Variants in SHISA9 observed in about 807,000 individuals in gnomAD.
SHISA9 encodes protein shisa-9.
SHISA9 carries 13 observed loss-of-function variants against 38.0 expected under a neutral mutation model. The observed-to-expected ratio is 0.34, with a 90% CI of 0.22 to 0.54. The LOEUF is 0.54. SHISA9 is among the 20% of genes least tolerant of loss of function. SHISA9 has a pLI of 0.91. For synonymous variants in SHISA9, 275 were observed against 242.0 expected (o/e 1.14, Z -1.27); for missense variants, 538 against 575.8 (o/e 0.93, Z 0.67).
chr16:13,475,318 A>G, the SHISA9 span, among the ~76,000 whole-genome samples: 1 of 106,610 alleles, frequency 9.4e-6, no homozygotes, highest in Non-Finnish European at 2.0e-5. Context: ...AAACATATAT[A>G]TGCTTAATAT....
chr16:13,327,426 A>G, the SHISA9 span, among the ~76,000 whole-genome samples: 2 of 151,988 alleles, frequency 1.3e-5, no homozygotes, highest in South Asian at 2.1e-4. Context: ...GACCAGCCTG[A>G]CCAATATGGT....
intron 2 of SHISA9, among the ~76,000 whole-genome samples, chr16:13,017,634 G>C (rs1365314260): frequency 6.6e-6 from 1 of 152,126 alleles, no homozygotes; most frequent in Non-Finnish European, 1.5e-5. Context: ...GCTTTCCATG[G>C]ATTATCTCAT....
At chr16:13,167,831 C>G (rs906416849) in intron 2 of SHISA9, among the ~76,000 whole-genome samples, 10 of 152,190 alleles carry the variant, frequency 6.6e-5, no homozygotes, top group African/African-American at 2.2e-4. Flanking sequence ...TTATAAATCA[C>G]CCAGTCTCAG....
chr16:12,939,566 C>G (rs2071581767), intron 2 of SHISA9, among the ~76,000 whole-genome samples: 1 of 152,140 alleles, frequency 6.6e-6, no homozygotes, highest in Non-Finnish European at 1.5e-5. Context: ...TGATTTAAGT[C>G]AACCCCATGG....
intron 2 of SHISA9, among the ~76,000 whole-genome samples, chr16:13,187,734 TC>T (rs1489620753): frequency 2.6e-5 from 4 of 152,262 alleles, no homozygotes; most frequent in African/African-American, 9.6e-5. Flanking sequence ...TTCTGATAGA[TC>T]CTTAAAAATG....
chr16:13,478,589 A>T, the SHISA9 span, among the ~76,000 whole-genome samples: 1 of 152,142 alleles, frequency 6.6e-6, no homozygotes, highest in African/African-American at 2.4e-5. Context: ...GGTCTGTTCC[A>T]CTCTAATAGT....
At chr16:13,328,625 CACACACACACATAT>C in the SHISA9 span, among the ~76,000 whole-genome samples, 6 of 121,450 alleles carry the variant, frequency 4.9e-5, no homozygotes, top group African/African-American at 1.1e-4. Context: ...CACACACACA[CACACACACACATAT>C]ATATTGTATT....
chr16:13,055,471 C>G (rs140178556), intron 2 of SHISA9, among the ~76,000 whole-genome samples: 11 of 149,786 alleles, frequency 7.3e-5, no homozygotes, highest in African/African-American at 2.7e-4. Flanking sequence ...ATGGCTCCTT[C>G]TCTCTATTTC....
intron 2 of SHISA9, among the ~76,000 whole-genome samples, chr16:13,111,870 G>A (rs765140441): frequency 6.6e-6 from 1 of 152,154 alleles, no homozygotes; most frequent in Non-Finnish European, 1.5e-5. Context: ...CTGGTCTTCA[G>A]TTATCATCTG....
intron 2 of SHISA9, among the ~76,000 whole-genome samples, chr16:12,979,911 A>ATATTATC (rs2072218393): frequency 6.6e-6 from 1 of 151,800 alleles, no homozygotes; most frequent in Admixed American, 6.6e-5. Flanking sequence ...TTTTAGGTTG[A>ATATTATC]TATTATCTAT....
rs984336537 is a variant in SHISA9 at position 13,008,299 on chromosome 16, C to T, written c.691+91484C>T. The stretch of plus-strand genomic sequence containing the variant: ...ACATGTTCATTAATACACTCTTCCC[C>T]GACATCACATCCCCACTCCTGAACT... On this transcript the variant is annotated intron_variant, in intron 2 of 4. Coordinates refer to ENST00000558583, the MANE Select transcript of SHISA9 (RefSeq NM_001145204.3). Among the ~76,000 whole-genome samples the T allele has an allele frequency of 5.9e-5, 9 of 152,218 alleles. No homozygotes were observed. In the South Asian group the frequency reaches 6.2e-4, roughly 11 times the overall value.
At chr16:12,970,444 C>CACAT (rs1567357262) in intron 2 of SHISA9, among the ~76,000 whole-genome samples, 2 of 46,618 alleles carry the variant, frequency 4.3e-5, no homozygotes, top group South Asian at 1.1e-3. Context: ...TATATACACA[C>CACAT]ATATATATAT....
At chr16:13,184,875 A>G (rs185790340) in intron 2 of SHISA9, among the ~76,000 whole-genome samples, 5 of 152,226 alleles carry the variant, frequency 3.3e-5, no homozygotes, top group Non-Finnish European at 7.3e-5. Flanking sequence ...GTTTTTGGCA[A>G]TTATGAATAA....
the SHISA9 span, among the ~76,000 whole-genome samples, chr16:13,440,730 T>C: frequency 6.6e-6 from 1 of 152,154 alleles, no homozygotes; most frequent in African/African-American, 2.4e-5. Flanking sequence ...GAGACCATCC[T>C]GCCCAACATG....
At chr16:13,540,480 C>T in the SHISA9 span, among the ~76,000 whole-genome samples, 1 of 152,170 alleles carries the variant, frequency 6.6e-6, no homozygotes, top group Non-Finnish European at 1.5e-5. Context: ...TACACTGTTT[C>T]TCAGAAATTT....
At chr16:12,952,682 C>G (rs1466478856) in intron 2 of SHISA9, among the ~76,000 whole-genome samples, 1 of 152,104 alleles carries the variant, frequency 6.6e-6, no homozygotes, top group Non-Finnish European at 1.5e-5. Context: ...AGTGGCACTT[C>G]CTCCTTCACT....
intron 2 of SHISA9, among the ~76,000 whole-genome samples, chr16:13,125,734 A>G (rs1299186735): frequency 6.6e-6 from 1 of 152,224 alleles, no homozygotes; most frequent in Non-Finnish European, 1.5e-5. Flanking sequence ...TTGATACTTT[A>G]TTCCCTCTAC....
At chr16:13,198,451 TTTC>T (rs1317669346) in intron 2 of SHISA9, among the ~76,000 whole-genome samples, 55 of 152,324 alleles carry the variant, frequency 3.6e-4, no homozygotes, top group South Asian at 8.3e-4. Context: ...CACATGCATA[TTTC>T]TTCTCTCAAC....
At chr16:13,444,970 C>A in the SHISA9 span, among the ~76,000 whole-genome samples, 1 of 131,492 alleles carries the variant, frequency 7.6e-6, no homozygotes, top group Non-Finnish European at 1.6e-5. Flanking sequence ...GGGCACACAC[C>A]ACCATGCCTA....
Sources: allele counts gnomAD v4.1 joint callset (sites outside exome capture counted in the v4.1 genomes callset), GRCh38; gene constraint gnomAD v4.1.1; transcripts MANE v1.5; gene names NCBI Gene and HGNC (gene_info 2026-07-23, HGNC 2026-07-21).